The following CTNNBL1 variants were observed in gnomAD, a reference collection of about 807,000 sequenced individuals.
The protein encoded by CTNNBL1 is beta-catenin-like protein 1.
Under a neutral mutation model 72.7 loss-of-function variants are expected in CTNNBL1, and 31 were observed. That is an observed-to-expected ratio of 0.43 (90% CI 0.32 to 0.58). The LOEUF (loss-of-function observed/expected upper bound fraction) is 0.58, where lower values mean the gene tolerates loss of function less well. Among genes scored for constraint, CTNNBL1 ranks in the 20% least tolerant of loss-of-function variants. CTNNBL1 has a pLI of 0.08. For missense variants in CTNNBL1, 534 were observed against 725.1 expected (o/e 0.74, Z 3.03); for synonymous variants, 240 against 267.3 (o/e 0.90, Z 1.00).
chr20:37,767,851 G>A, intron 6 of CTNNBL1, 102 bp from the exon 7 acceptor site: 1 of 873,962 alleles, frequency 1.1e-6, no homozygotes, highest in South Asian at 1.4e-5. Context: ...GAGTAATGCA[G>A]GGAAGTGGGG....
At chr20:37,819,497 T>C (rs1323794102) in intron 11 of CTNNBL1, among the ~76,000 whole-genome samples, 1 of 152,242 alleles carries the variant, frequency 6.6e-6, no homozygotes, top group African/African-American at 2.4e-5. Flanking sequence ...TTGGTATACC[T>C]GAGTGTTTAT....
intron 5 of CTNNBL1, among the ~76,000 whole-genome samples, chr20:37,761,708 A>G (rs1220778872): frequency 6.6e-6 from 1 of 152,138 alleles, no homozygotes; most frequent in Non-Finnish European, 1.5e-5. Flanking sequence ...CATAAACAAG[A>G]AAACTATCAG....
intron 1 of CTNNBL1, among the ~76,000 whole-genome samples, chr20:37,716,553 C>T (rs1259102786): frequency 6.6e-6 from 1 of 152,102 alleles, no homozygotes; most frequent in Non-Finnish European, 1.5e-5. Context: ...GTTTGTAAAG[C>T]TTCCAGAAAT....
At chr20:37,849,835 T>C (rs1172293711) in intron 13 of CTNNBL1, among the ~76,000 whole-genome samples, 1 of 152,238 alleles carries the variant, frequency 6.6e-6, no homozygotes, top group African/African-American at 2.4e-5. Context: ...ATCAAGTTAC[T>C]TAAACTCTCT....
chr20:37,850,834 T>C (rs944325758), intron 13 of CTNNBL1, among the ~76,000 whole-genome samples: 1 of 152,214 alleles, frequency 6.6e-6, no homozygotes. Context: ...CTCTGAGTCA[T>C]GTCCCGTGTT....
intron 11 of CTNNBL1, among the ~76,000 whole-genome samples, chr20:37,805,459 C>T (rs1275031848): frequency 2.1e-5 from 3 of 143,806 alleles, no homozygotes; most frequent in South Asian, 2.2e-4. Context: ...TGCAGTGATG[C>T]GATCTCGGCT....
chr20:37,857,557 A>G (rs2072453837), intron 13 of CTNNBL1, among the ~76,000 whole-genome samples: 1 of 152,182 alleles, frequency 6.6e-6, no homozygotes, highest in Non-Finnish European at 1.5e-5. Context: ...CCGAGATGAA[A>G]AGTAGCCTTG....
chr20:37,765,508 GT>G (rs2073459267), intron 6 of CTNNBL1, among the ~76,000 whole-genome samples: 1 of 152,220 alleles, frequency 6.6e-6, no homozygotes, highest in Admixed American at 6.5e-5. Flanking sequence ...AATCCACTAA[GT>G]AGGTAACCTT....
At chr20:37,717,538 G>T (rs1182908882) in intron 1 of CTNNBL1, among the ~76,000 whole-genome samples, 1 of 151,994 alleles carries the variant, frequency 6.6e-6, no homozygotes, top group Admixed American at 6.5e-5. Flanking sequence ...AGAGTGGACT[G>T]GTGTCAATGG....
chr20:37,760,599 T>A (rs1222773726), intron 5 of CTNNBL1, among the ~76,000 whole-genome samples: 2 of 152,234 alleles, frequency 1.3e-5, no homozygotes, highest in African/African-American at 4.8e-5. Flanking sequence ...CAATTCTGTG[T>A]CCTTGGGAAA....
In CTNNBL1 at chr20:37,720,109, G is replaced by T. The variant is rs190203807; in HGVS notation, c.31-12770G>T. 9.9e-5 allele frequency among the ~76,000 whole-genome samples: 15 copies of T among 152,158 alleles called. No individual in the cohort carries two copies. The East Asian group carries it at 2.7e-3, about 27-fold the overall frequency. On this transcript the variant is annotated intron_variant, in intron 1 of 15. Transcript: ENST00000361383. ...GTGGCGCAATCTCGGCTCACTACAA[G>T]CTCCATCTCCCAGGTTCACGCCATT...
At chr20:37,694,983 A>G (rs1196504098) in intron 1 of CTNNBL1, 1 of 152,260 alleles carries the variant, frequency 6.6e-6, no homozygotes, top group Admixed American at 6.5e-5. Context: ...GCCACTAGCC[A>G]CATAGGCTGT....
chr20:37,818,099 C>G (rs2072075552), intron 11 of CTNNBL1, among the ~76,000 whole-genome samples: 1 of 152,174 alleles, frequency 6.6e-6, no homozygotes, highest in South Asian at 2.1e-4. Flanking sequence ...TCTGTGCAAA[C>G]CTTTGTAAGG....
chr20:37,828,790 G>A (rs1000751674), intron 11 of CTNNBL1, among the ~76,000 whole-genome samples: 7 of 152,232 alleles, frequency 4.6e-5, no homozygotes, highest in Admixed American at 4.6e-4. Context: ...TCTGTCTTGA[G>A]AAGGGTATCA....
At chr20:37,696,930 C>G (rs929563398) in intron 1 of CTNNBL1, among the ~76,000 whole-genome samples, 9 of 151,462 alleles carry the variant, frequency 5.9e-5, no homozygotes, top group African/African-American at 9.7e-5. Flanking sequence ...GCCTGTAATC[C>G]CAGCACTTTG....
intron 10 of CTNNBL1, among the ~76,000 whole-genome samples, chr20:37,801,959 A>G (rs1185143356): frequency 1.3e-5 from 2 of 152,264 alleles, no homozygotes; most frequent in Non-Finnish European, 2.9e-5. Context: ...TAAGGAATCT[A>G]CTAAAAGATT....
intron 7 of CTNNBL1, among the ~76,000 whole-genome samples, chr20:37,774,001 C>T (rs1156553071): frequency 2.0e-5 from 3 of 149,182 alleles, no homozygotes. Context: ...CAGCCTTAAC[C>T]TCCCAGGCTC....
chr20:37,802,716 C>T (rs925936054), intron 10 of CTNNBL1, 151 bp from the exon 11 acceptor site: 9 of 555,424 alleles, frequency 1.6e-5, no homozygotes, highest in Non-Finnish European at 2.4e-5. Context: ...AATTTGTCCA[C>T]CCTATTGTAG....
chr20:37,815,679 T>G (rs1385731816), intron 11 of CTNNBL1, among the ~76,000 whole-genome samples: 6 of 152,170 alleles, frequency 3.9e-5, no homozygotes, highest in Admixed American at 3.9e-4. Flanking sequence ...GACAGTGAGT[T>G]GTAGACTGAA....
Sources: allele counts gnomAD v4.1 joint callset (sites outside exome capture counted in the v4.1 genomes callset), GRCh38; gene constraint gnomAD v4.1.1; transcripts MANE v1.5; gene names NCBI Gene and HGNC (gene_info 2026-07-23, HGNC 2026-07-21).